Variants in TRUB1 observed in about 807,000 individuals in gnomAD.
TRUB1 encodes pseudouridylate synthase TRUB1.
In TRUB1, 23 loss-of-function variants were observed where a neutral mutation model predicts 33.9. The observed-to-expected ratio is 0.68, with a 90% CI of 0.49 to 0.96. TRUB1 has a LOEUF of 0.96. TRUB1 is among the 40% of genes least tolerant of loss of function. The probability of loss-of-function intolerance (pLI) is 0.00; values close to 1 mark genes in which losing one functional copy is unlikely to be tolerated. For synonymous variants in TRUB1, 163 were observed against 165.4 expected (o/e 0.99, Z 0.11); for missense variants, 378 against 422.2 (o/e 0.90, Z 0.92).
chr10:114,972,030 C>T, intron 5 of TRUB1, 105 bp from the exon 6 acceptor site: 1 of 1,327,202 alleles, frequency 7.5e-7, no homozygotes, highest in South Asian at 1.3e-5. Context: ...GCCAGTCATC[C>T]TTCCTTTCCA....
At chr10:114,952,566 A>G (rs1471012716) in intron 3 of TRUB1, among the ~76,000 whole-genome samples, 5 of 152,222 alleles carry the variant, frequency 3.3e-5, no homozygotes, top group Non-Finnish European at 5.9e-5. Context: ...GATTTTAAAA[A>G]GCCTCGGAGA....
chr10:114,963,942 T>C (rs1298792785), intron 4 of TRUB1, among the ~76,000 whole-genome samples: 1 of 151,520 alleles, frequency 6.6e-6, no homozygotes, highest in Non-Finnish European at 1.5e-5. Context: ...TTCTTTTGGG[T>C]ATATACCCAA....
At chr10:114,953,450 G>A (rs1271254786) in intron 3 of TRUB1, among the ~76,000 whole-genome samples, 1 of 152,078 alleles carries the variant, frequency 6.6e-6, no homozygotes, top group African/African-American at 2.4e-5. Flanking sequence ...TTAATAAAAA[G>A]TAGTTAAAAA....
Position 114,976,765 on chromosome 10 carries a change from T to TGTTGAAATATCTTAGTG in TRUB1, c.*1386_*1387insGTTGAAATATCTTAGTG, listed in dbSNP as rs143426603. 6.6e-6 allele frequency: 1 copy of TGTTGAAATATCTTAGTG among 152,070 alleles called. No individual in the cohort carries two copies. The highest frequency in any genetic ancestry group is 2.4e-5 in the African/African-American group (1 of 41,386). 9.4% of individuals were successfully genotyped at this position (152,070 alleles called of 1,614,324 possible). A position where few individuals can be genotyped will look rare whatever the true frequency, so the allele number is the denominator to read the frequency against. On this transcript the variant is annotated 3_prime_UTR_variant, in exon 8 of 8. Transcript: ENST00000298746. The stretch of plus-strand genomic sequence containing the variant: ...GCATTTTCAACATATTGGCAACATA[T>TGTTGAAATATCTTAGTG]TTTAAATGAAAACACTAAAACAATT...
At chr10:114,943,175 A>G (rs2084196127) in intron 2 of TRUB1, among the ~76,000 whole-genome samples, 1 of 152,164 alleles carries the variant, frequency 6.6e-6, no homozygotes. Context: ...GGAATCTGGA[A>G]TTTTGTTCCA....
intron 4 of TRUB1, among the ~76,000 whole-genome samples, chr10:114,963,435 G>A (rs1418328289): frequency 6.6e-6 from 1 of 152,166 alleles, no homozygotes; most frequent in African/African-American, 2.4e-5. Context: ...TTACAAAGCT[G>A]TTTGCATTTA....
chr10:114,959,021 A>G lies in TRUB1; in HGVS notation c.442-705A>G, dbSNP rs927674995. On this transcript the variant is annotated intron_variant, in intron 3 of 7. Coordinates refer to ENST00000298746, the MANE Select transcript of TRUB1 (RefSeq NM_139169.5). ...CGTGGTGGCGGGTGCCTGTAATCCC[A>G]GCTACTCCACAGGGTGAGGCAGGAG... is the stretch of plus-strand genomic sequence containing the variant. 5.9e-5 allele frequency among the ~76,000 whole-genome samples: 9 copies of G among 152,318 alleles called. No homozygotes were observed. The South Asian group carries it at 8.3e-4, about 14-fold the overall frequency.
At chr10:114,945,786 T>C (rs968895551) in intron 2 of TRUB1, among the ~76,000 whole-genome samples, 4 of 152,302 alleles carry the variant, frequency 2.6e-5, no homozygotes, top group Admixed American at 2.6e-4. Context: ...TTGGACACTC[T>C]TGGCCTAAGG....
chr10:114,974,509 T>C, intron 7 of TRUB1, 124 bp downstream of exon 7: 1 of 724,478 alleles, frequency 1.4e-6, no homozygotes, highest in Non-Finnish European at 2.3e-6. Flanking sequence ...TCTTGCTGCC[T>C]TCAGCTTTAA....
intron 6 of TRUB1, among the ~76,000 whole-genome samples, chr10:114,972,765 TC>T (rs912741809): frequency 2.0e-5 from 3 of 152,146 alleles, no homozygotes; most frequent in African/African-American, 4.8e-5. Context: ...CTATTAAAGA[TC>T]CTGCAAATAT....
intron 2 of TRUB1, among the ~76,000 whole-genome samples, chr10:114,945,398 C>T (rs2143020493): frequency 6.6e-6 from 1 of 152,310 alleles, no homozygotes; most frequent in South Asian, 2.1e-4. Flanking sequence ...TTCTGCTTTA[C>T]TGTTTTCCAG....
chr10:114,957,972 A>C (rs1436245450), intron 3 of TRUB1, among the ~76,000 whole-genome samples: 1 of 152,234 alleles, frequency 6.6e-6, no homozygotes, highest in Non-Finnish European at 1.5e-5. Context: ...TTTCTTAGAA[A>C]ATAAAGATGA....
chr10:114,962,075 GAT>G, intron 4 of TRUB1, among the ~76,000 whole-genome samples: 1 of 152,214 alleles, frequency 6.6e-6, no homozygotes, highest in Non-Finnish European at 1.5e-5. Context: ...TAAGCACACA[GAT>G]ATTAGCAGAC....
At chr10:114,941,740 G>T (rs892701443) in intron 1 of TRUB1, among the ~76,000 whole-genome samples, 1 of 152,070 alleles carries the variant, frequency 6.6e-6, no homozygotes, top group Non-Finnish European at 1.5e-5. Flanking sequence ...CTTAATCTTA[G>T]CTGCTTTCCA....
chr10:114,941,066 T>C (rs2084184492), intron 1 of TRUB1, among the ~76,000 whole-genome samples: 1 of 152,178 alleles, frequency 6.6e-6, no homozygotes, highest in South Asian at 2.1e-4. Context: ...TTGTTTTCCC[T>C]CCTCCCTTCT....
intron 2 of TRUB1, 45 bp from the exon 3 acceptor site, chr10:114,951,049 G>A (rs1255253189): frequency 1.3e-6 from 2 of 1,540,218 alleles, no homozygotes; most frequent in Non-Finnish European, 1.8e-6. Flanking sequence ...TAAAAACCTA[G>A]TTTTCAGAAC....
At chr10:114,946,171 T>C (rs2084210312) in intron 2 of TRUB1, among the ~76,000 whole-genome samples, 2 of 152,292 alleles carry the variant, frequency 1.3e-5, no homozygotes, top group African/African-American at 4.8e-5. Flanking sequence ...ACTAACTGTA[T>C]ACATCCTAAG....
At chr10:114,958,182 C>T (rs1006912866) in intron 3 of TRUB1, among the ~76,000 whole-genome samples, 1 of 152,146 alleles carries the variant, frequency 6.6e-6, no homozygotes. Flanking sequence ...GTGCTGTTAC[C>T]ATTGTTGTAC....
At position 114,956,589 on chromosome 10, in the gene TRUB1, T is replaced by C. The variant is rs994104561; in HGVS notation, c.442-3137T>C. Among the ~76,000 whole-genome samples, 4 of 152,206 alleles carry C rather than the reference T, an allele frequency of 2.6e-5. No individual in the cohort carries two copies. In the South Asian group the frequency reaches 6.2e-4, roughly 24 times the overall value. On this transcript the variant is annotated intron_variant, in intron 3 of 7. Transcript: ENST00000298746. ...AGGGAAAGCTAGGAGACAGCTGATT[T>C]CAATCATCGGTTCGCAGGGTGTGGT...
Sources: allele counts gnomAD v4.1 joint callset (sites outside exome capture counted in the v4.1 genomes callset), GRCh38; gene constraint gnomAD v4.1.1; transcripts MANE v1.5; gene names NCBI Gene and HGNC (gene_info 2026-07-23, HGNC 2026-07-21).